Variants in SLC44A2 observed in about 807,000 individuals in gnomAD.
SLC44A2 encodes solute carrier family 44 member 2 (CTL2 blood group).
SLC44A2 carries 57 observed loss-of-function variants against 90.8 expected under a neutral mutation model. The observed-to-expected ratio is 0.63, with a 90% CI of 0.51 to 0.78. The LOEUF is 0.78. SLC44A2 is among the 30% of genes least tolerant of loss of function. The pLI is 0.00. For missense variants in SLC44A2, 794 were observed against 919.7 expected (o/e 0.86, Z 1.77); for synonymous variants, 355 against 360.7 (o/e 0.98, Z 0.18).
chr19:10,630,223 C>T (rs1204712351), intron 4 of SLC44A2, among the ~76,000 whole-genome samples: 2 of 152,192 alleles, frequency 1.3e-5, no homozygotes, highest in African/African-American at 2.4e-5. Context: ...TGGTTGCGCA[C>T]ACCCGTAGTC....
Position 10,640,620 on chromosome 19 carries a change from TTATC to T in SLC44A2, c.1930-1744_1930-1741del, listed in dbSNP as rs2067105296. On this transcript the variant is annotated intron_variant, in intron 20 of 21. Transcript: ENST00000335757. The stretch of plus-strand genomic sequence containing the variant: ...TCCACTGACTTCAGTCAACAAATGT[TTATC>T]TAGCAGCTACCAAGGCCGTGTGAGT... 3.3e-5 allele frequency among the ~76,000 whole-genome samples: 5 copies of T among 152,224 alleles called. No homozygotes were observed. In the South Asian group the frequency reaches 1.0e-3, roughly 32 times the overall value.
Position 10,631,129 on chromosome 19 carries a change from T to A in SLC44A2, c.318T>A (p.Cys106Ter), listed in dbSNP as rs1162604454. 6.2e-7 allele frequency: 1 copy of A among 1,613,964 alleles called. No homozygotes were observed. The highest frequency in any genetic ancestry group is 1.1e-5 in the South Asian group (1 of 91,072). ...CCCTGGTTCTGCTGGAATTCCAATG[T>A]CCCACTCCCCAGGTAACCTGGTCCC... ...ASPLVLLEFQ[C>*]PTPQICVEKC... is the part of the protein sequence containing the mutation. The change falls in exon 5 of 22, where the codon TGT becomes TGA. Residue 106 changes from cysteine to a stop codon, truncating the protein, a stop_gained. Transcript: ENST00000335757. LOFTEE classifies it high-confidence loss of function.
chr19:10,617,265 A>AGTTCCCATCCTGC (rs1391849065), intron 1 of SLC44A2, among the ~76,000 whole-genome samples: 5 of 152,124 alleles, frequency 3.3e-5, no homozygotes, highest in Admixed American at 3.3e-4. Flanking sequence ...AGATATAGCG[A>AGTTCCCATCCTGC]GTTCCCATCC....
intron 13 of SLC44A2, 58 bp from the exon 14 acceptor site, chr19:10,635,373 C>T: frequency 6.2e-7 from 1 of 1,608,928 alleles, no homozygotes; most frequent in Non-Finnish European, 8.5e-7. Context: ...GGATTCTTTC[C>T]CACAAAAGTC....
chr19:10,631,294 C>G lies in SLC44A2; in HGVS notation c.350C>G (p.Pro117Arg). 6.2e-7 allele frequency: 1 copy of G among 1,614,106 alleles called. No individual in the cohort carries two copies. The highest frequency in any genetic ancestry group is 8.5e-7 in the Non-Finnish European group (1 of 1,180,028). The change falls in exon 6 of 22, where the codon CCC becomes CGC. Residue 117 changes from proline to arginine, a missense_variant. Around this residue, in one of 3 missense-constraint regions of SLC44A2, gnomAD observed 738 missense variants for 841.1 expected, o/e 0.88. Transcript: ENST00000335757. ...TCCCAGATCTGCGTGGAAAAATGCC[C>G]CGACCGCTACCTCACGTACCTGAAT... ...PTPQICVEKCPDRYLTYLNAR... is the reference protein window; with the variant it reads ...PTPQICVEKCRDRYLTYLNAR...
At chr19:10,636,795 G>A in intron 16 of SLC44A2, 39 bp downstream of exon 16, 2 of 1,585,202 alleles carry the variant, frequency 1.3e-6, no homozygotes, top group South Asian at 1.1e-5. Context: ...TCCTGTTGCG[G>A]GGCGAGGCTG....
chr19:10,625,257 C>T (rs1360884513), upstream of SLC44A2: 5 of 237,844 alleles, frequency 2.1e-5, no homozygotes, highest in Non-Finnish European at 4.0e-5. Context: ...CCTCCCAGTG[C>T]CTCAGTTTCC....
At chr19:10,634,588 G>C (rs2067033348) in intron 10 of SLC44A2, among the ~76,000 whole-genome samples, 168 bp from the exon 11 acceptor site, 1 of 152,080 alleles carries the variant, frequency 6.6e-6, no homozygotes, top group Non-Finnish European at 1.5e-5. Context: ...CTAAGGATGT[G>C]TGGGATCCAG....
At chr19:10,626,951 A>C (rs540938659) in intron 2 of SLC44A2, among the ~76,000 whole-genome samples, 1 of 146,326 alleles carries the variant, frequency 6.8e-6, no homozygotes, top group African/African-American at 2.5e-5. Context: ...TGGAGGTTGC[A>C]GTAAGCTGAG....
At chr19:10,627,512 G>C (rs1332459892) in intron 2 of SLC44A2, among the ~76,000 whole-genome samples, 1 of 152,130 alleles carries the variant, frequency 6.6e-6, no homozygotes, top group African/African-American at 2.4e-5. Context: ...CTGTACTCCA[G>C]CCTGGATGAC....
intron 1 of SLC44A2, among the ~76,000 whole-genome samples, chr19:10,615,083 T>C (rs1259398835): frequency 6.8e-6 from 1 of 147,756 alleles, no homozygotes; most frequent in Non-Finnish European, 1.5e-5. Context: ...AATATTAAAA[T>C]GTAAGGAAAA....
chr19:10,621,302 A>G (rs557902998), upstream of SLC44A2, among the ~76,000 whole-genome samples: 2 of 152,026 alleles, frequency 1.3e-5, no homozygotes, highest in Non-Finnish European at 2.9e-5. Flanking sequence ...CAGTGAGCCT[A>G]GATGGCACCA....
chr19:10,631,759 T>C lies in SLC44A2; in HGVS notation c.626+10T>C, dbSNP rs767887337. The stretch of plus-strand genomic sequence containing the variant: ...TGGTGGAGGGCGCCAAGTGAGGATA[T>C]TGGCGCACCGCGCCAGGGTCTCACT... On this transcript the variant is annotated intron_variant, in intron 8 of 21. Coordinates refer to ENST00000335757, the MANE Select transcript of SLC44A2 (RefSeq NM_020428.4). 3 of 1,613,798 alleles carry C rather than the reference T, an allele frequency of 1.9e-6. No homozygotes were observed. The highest frequency in any genetic ancestry group is 2.7e-5 in the African/African-American group (2 of 74,946).
At chr19:10,643,099 C>A (rs569973788) in intron 21 of SLC44A2, 180 bp from the exon 22 acceptor site, 3 of 1,451,292 alleles carry the variant, frequency 2.1e-6, no homozygotes, top group Admixed American at 2.7e-5. Flanking sequence ...TCCTGGCCTG[C>A]GAGTGTGGGG....
At chr19:10,622,505 G>C (rs1320549301), upstream of SLC44A2, among the ~76,000 whole-genome samples, 2 of 151,938 alleles carry the variant, frequency 1.3e-5, no homozygotes, top group South Asian at 2.1e-4. Context: ...GAAGAGGTTG[G>C]ATTCTGGATA....
chr19:10,615,040 T>A (rs937799438), intron 1 of SLC44A2, among the ~76,000 whole-genome samples: 1 of 130,638 alleles, frequency 7.7e-6, no homozygotes, highest in African/African-American at 3.0e-5. Flanking sequence ...AGTAATTGCG[T>A]TTTTTTTTTT....
intron 1 of SLC44A2, among the ~76,000 whole-genome samples, chr19:10,618,773 C>T (rs900892433): frequency 1.3e-5 from 2 of 151,348 alleles, no homozygotes; most frequent in African/African-American, 2.4e-5. Context: ...AGGGTTTCGC[C>T]GTGTTGCCCA....
At chr19:10,605,985 C>T (rs962777843) in intron 1 of SLC44A2, among the ~76,000 whole-genome samples, 16 of 151,766 alleles carry the variant, frequency 1.1e-4, no homozygotes, top group African/African-American at 3.9e-4. Flanking sequence ...TGGAGCGAGA[C>T]TCCATCTCAA....
chr19:10,640,993 AAGAG>A (rs1237134630), intron 20 of SLC44A2: 2 of 338,994 alleles, frequency 5.9e-6, no homozygotes, highest in Admixed American at 4.3e-5. Flanking sequence ...AGGCTGAGGT[AAGAG>A]AATCGCTTGA....
Sources: gnomAD v4.1 joint callset for allele counts (sites outside exome capture counted in the v4.1 genomes callset) on GRCh38, gnomAD v4.1.1 for gene constraint, gnomAD v4.1.1 regional missense constraint, MANE v1.5 for transcripts, NCBI Gene and HGNC (gene_info 2026-07-23, HGNC 2026-07-21) for gene names.